The following ENOX1 variants were observed in gnomAD, a reference collection of about 807,000 sequenced individuals.
The protein encoded by ENOX1 is candidate growth-related and time keeping constitutive hydroquinone (NADH) oxidase.
A neutral mutation model predicts 82.5 loss-of-function variants in ENOX1; 42 were observed. That is an observed-to-expected ratio of 0.51 (90% CI 0.40 to 0.66). ENOX1 has a LOEUF of 0.66. Among genes scored for constraint, ENOX1 ranks in the 30% least tolerant of loss-of-function variants. ENOX1 has a pLI of 0.00. For missense variants in ENOX1, 608 were observed against 811.6 expected (o/e 0.75, Z 3.05); for synonymous variants, 271 against 282.2 (o/e 0.96, Z 0.40).
intron 2 of ENOX1, among the ~76,000 whole-genome samples, chr13:43,623,465 A>G (rs1246765502): frequency 2.6e-5 from 4 of 152,086 alleles, no homozygotes; most frequent in Admixed American, 2.6e-4. Context: ...CAGCTCTCCA[A>G]ACTGACTCAG....
At chr13:43,753,426 T>C (rs1045084337) in intron 1 of ENOX1, among the ~76,000 whole-genome samples, 3 of 152,200 alleles carry the variant, frequency 2.0e-5, no homozygotes, top group East Asian at 1.9e-4. Context: ...TTTGATACTA[T>C]TGTAAATGGC....
chr13:43,662,870 C>A (rs1241718285), intron 2 of ENOX1, among the ~76,000 whole-genome samples: 9 of 152,100 alleles, frequency 5.9e-5, no homozygotes, highest in African/African-American at 1.9e-4. Flanking sequence ...GAGAAGCATG[C>A]GAAAATTGCA....
In ENOX1 at chr13:43,236,656, T is replaced by C. The variant is rs1193194362; in HGVS notation, c.1694A>G (p.Glu565Gly). 10 of 1,583,416 alleles carry C rather than the reference T, an allele frequency of 6.3e-6. No individual in the cohort carries two copies. Among genetic ancestry groups the C allele is most frequent in the Non-Finnish European group, 8.5e-6 (10 of 1,171,852 alleles). ...CTTACCTATTAGCAGAGCTTCTTTC[T>C]CTGATTTTAAGCCTTGGCTTCTTTT... ...IEKRSQGLKS[E>G]KEALLIGIIS... Residue 565 changes from glutamate to glycine, a missense_variant, in exon 15 of 17, where the codon GAG (glutamate) becomes GGG (glycine). Glu to Gly is a moderately conservative substitution (Grantham distance 98). Transcript: ENST00000690772.
chr13:43,781,872 T>C (rs1293385045), intron 1 of ENOX1, among the ~76,000 whole-genome samples: 1 of 152,182 alleles, frequency 6.6e-6, no homozygotes, highest in Non-Finnish European at 1.5e-5. Flanking sequence ...TGGAAGTATA[T>C]GTGTACCTAA....
At chr13:43,324,340 T>A (rs2047985632) in intron 10 of ENOX1, among the ~76,000 whole-genome samples, 1 of 151,752 alleles carries the variant, frequency 6.6e-6, no homozygotes. Flanking sequence ...GAAAGGGTGG[T>A]GGAAAAGAAA....
At position 43,316,879 on chromosome 13, in the gene ENOX1, T is replaced by C. The variant is rs1345854223; in HGVS notation, c.1261+5505A>G. ...AGGCTACTCAGCCCACCTTGCAAGA[T>C]TTCTTTTATCATCTTTAAGCCACAT... On this transcript the variant is annotated intron_variant, in intron 11 of 16. Coordinates refer to ENST00000690772, the MANE Select transcript of ENOX1 (RefSeq NM_001347969.2). 3.9e-5 allele frequency among the ~76,000 whole-genome samples: 6 copies of C among 152,162 alleles called. No individual in the cohort carries two copies. The East Asian group carries it at 9.6e-4, about 24-fold the overall frequency.
chr13:43,266,150 G>A (rs1253891399), intron 13 of ENOX1, among the ~76,000 whole-genome samples: 2 of 152,088 alleles, frequency 1.3e-5, no homozygotes, highest in East Asian at 1.9e-4. Context: ...CTATCCTGAC[G>A]CAAAACAGAC....
chr13:43,218,984 G>GAC (rs2041640441), intron 16 of ENOX1, among the ~76,000 whole-genome samples: 1 of 152,008 alleles, frequency 6.6e-6, no homozygotes. Flanking sequence ...TACATTCTTT[G>GAC]TCTAGAGAAT....
At chr13:43,537,540 A>C (rs1430689711) in intron 2 of ENOX1, among the ~76,000 whole-genome samples, 1 of 152,218 alleles carries the variant, frequency 6.6e-6, no homozygotes, top group African/African-American at 2.4e-5. Context: ...GAAATACAGG[A>C]AACTTGCAGA....
At chr13:43,355,865 TC>T in intron 8 of ENOX1, 53 bp downstream of exon 8, 1 of 1,534,728 alleles carries the variant, frequency 6.5e-7, no homozygotes, top group Non-Finnish European at 8.9e-7. Context: ...CGCACAGGGT[TC>T]CGTGTCTGGG....
At chr13:43,257,859 A>C (rs796390917) in intron 14 of ENOX1, among the ~76,000 whole-genome samples, 3 of 152,240 alleles carry the variant, frequency 2.0e-5, no homozygotes, top group African/African-American at 7.2e-5. Context: ...TTATCTATAC[A>C]GGTATCCATG....
At chr13:43,676,637 C>T (rs459907) in intron 1 of ENOX1, among the ~76,000 whole-genome samples, 1 of 152,002 alleles carries the variant, frequency 6.6e-6, no homozygotes, top group African/African-American at 2.4e-5. Context: ...TCCAAAGGAC[C>T]CCTACCTTGC....
chr13:43,422,460 A>G (rs1223363798), intron 3 of ENOX1, among the ~76,000 whole-genome samples: 3 of 152,218 alleles, frequency 2.0e-5, no homozygotes, highest in Non-Finnish European at 4.4e-5. Flanking sequence ...TTTCTCAAAC[A>G]TGAAATTCCA....
chr13:43,470,318 A>G lies in ENOX1; in HGVS notation c.-75+13691T>C, dbSNP rs575704972. Among the ~76,000 whole-genome samples, 133 of 50,028 alleles carry G rather than the reference A, an allele frequency of 2.7e-3. 5 individuals are homozygous for G. Among genetic ancestry groups the G allele is most frequent in the African/African-American group, 4.4e-3 (66 of 15,112 alleles). 32.8% of individuals were successfully genotyped at this position (50,028 alleles called of 152,430 possible). A position where few individuals can be genotyped will look rare whatever the true frequency, so the allele number is the denominator to read the frequency against. Reference sequence around the variant, plus strand: ...TACACATATATATACATATATATACACATATATATATGTATATATATACGT... The same window carrying G: ...TACACATATATATACATATATATACGCATATATATATGTATATATATACGT... On this transcript the variant is annotated intron_variant, in intron 3 of 16. Transcript: ENST00000690772.
At chr13:43,768,147 T>C (rs1231594228) in intron 1 of ENOX1, among the ~76,000 whole-genome samples, 1 of 152,216 alleles carries the variant, frequency 6.6e-6, no homozygotes. Context: ...TCTGATAAAG[T>C]TGTGCTTTCA....
intron 9 of ENOX1, among the ~76,000 whole-genome samples, chr13:43,341,957 T>C (rs2049091201): frequency 6.6e-6 from 1 of 152,222 alleles, no homozygotes; most frequent in African/African-American, 2.4e-5. Flanking sequence ...AACTCCTTCC[T>C]GTGTCTTTCC....
chr13:43,650,192 G>A (rs892185048), intron 2 of ENOX1, among the ~76,000 whole-genome samples: 30 of 152,162 alleles, frequency 2.0e-4, no homozygotes, highest in African/African-American at 7.0e-4. Context: ...AAGTAACACC[G>A]TTAGGTATCA....
At chr13:43,738,631 C>T (rs1315569512) in intron 1 of ENOX1, among the ~76,000 whole-genome samples, 2 of 152,124 alleles carry the variant, frequency 1.3e-5, no homozygotes, top group East Asian at 1.9e-4. Flanking sequence ...GTAAATGTCC[C>T]ACAAGCATAC....
chr13:43,247,864 TATATATATATATA>T (rs2043200648), intron 14 of ENOX1, among the ~76,000 whole-genome samples: 9 of 2,264 alleles, frequency 4.0e-3, no homozygotes, highest in Admixed American at 6.6e-3. Context: ...TATATATATA[TATATATATATATA>T]TATATATTTT....
Sources: gnomAD v4.1 joint callset for allele counts (sites outside exome capture counted in the v4.1 genomes callset) on GRCh38, gnomAD v4.1.1 for gene constraint, MANE v1.5 for transcripts, NCBI Gene and HGNC (gene_info 2026-07-23, HGNC 2026-07-21) for gene names.